Variants in COL21A1 observed in about 807,000 individuals in gnomAD.
COL21A1 encodes the protein collagen alpha-1(XXI) chain.
A neutral mutation model predicts 137.9 loss-of-function variants in COL21A1; 149 were observed. The ratio of observed to expected loss-of-function variants is 1.08; its 90% CI spans 0.95 to 1.24. The LOEUF (loss-of-function observed/expected upper bound fraction) is 1.24. COL21A1 is among the 50% of genes most tolerant of loss of function. COL21A1 has a pLI of 0.00. For missense variants in COL21A1, 1,167 were observed against 1,158.4 expected (o/e 1.01, Z -0.11); for synonymous variants, 456 against 391.5 (o/e 1.16, Z -1.95).
chr6:56,178,648 G>C (rs1777668937), intron 3 of COL21A1, among the ~76,000 whole-genome samples: 1 of 151,844 alleles, frequency 6.6e-6, no homozygotes, highest in African/African-American at 2.4e-5. Context: ...TTAAAAATAA[G>C]AGATACAAAA....
intron 1 of COL21A1, among the ~76,000 whole-genome samples, chr6:56,209,716 TG>T (rs1780034667): frequency 6.6e-6 from 1 of 152,174 alleles, no homozygotes; most frequent in Non-Finnish European, 1.5e-5. Context: ...GAAGACAGTG[TG>T]GCGATTCCTC....
At chr6:56,356,135 T>C (rs1765822655) in intron 1 of COL21A1, among the ~76,000 whole-genome samples, 1 of 152,152 alleles carries the variant, frequency 6.6e-6, no homozygotes, top group Non-Finnish European at 1.5e-5. Flanking sequence ...TCTAAGGACA[T>C]AATAGAGACC....
intron 1 of COL21A1, among the ~76,000 whole-genome samples, chr6:56,302,643 G>A: frequency 6.6e-6 from 1 of 152,146 alleles, no homozygotes; most frequent in Non-Finnish European, 1.5e-5. Flanking sequence ...TTTGTCAGAT[G>A]AGTAGGTTGC....
intron 12 of COL21A1, among the ~76,000 whole-genome samples, chr6:56,136,661 C>T (rs1191152936): frequency 1.3e-5 from 2 of 152,156 alleles, no homozygotes; most frequent in African/African-American, 4.8e-5. Context: ...ATGAGAACTA[C>T]TATTTTTAAA....
intron 1 of COL21A1, among the ~76,000 whole-genome samples, chr6:56,186,731 G>A (rs75208713): frequency 0.022 from 3,294 of 152,158 alleles, 120 homozygotes; most frequent in African/African-American, 0.075. Flanking sequence ...ATGTGGAAAT[G>A]AAGCTAATGA....
chr6:56,134,752 G>A (rs567066987), intron 12 of COL21A1, among the ~76,000 whole-genome samples: 29 of 152,260 alleles, frequency 1.9e-4, no homozygotes, highest in East Asian at 5.8e-4. Flanking sequence ...AGATCTGATC[G>A]TTTTAAAAAT....
At chr6:56,379,337 C>T (rs2094005107) in intron 1 of COL21A1, among the ~76,000 whole-genome samples, 1 of 152,010 alleles carries the variant, frequency 6.6e-6, no homozygotes, top group Non-Finnish European at 1.5e-5. Flanking sequence ...TAAGATAACA[C>T]AGAGAAGGAA....
chr6:56,121,607 T>C (rs1463931770), intron 16 of COL21A1, among the ~76,000 whole-genome samples: 1 of 149,260 alleles, frequency 6.7e-6, no homozygotes, highest in Non-Finnish European at 1.5e-5. Flanking sequence ...TATATATTTG[T>C]CAAGTGTACA....
intron 1 of COL21A1, among the ~76,000 whole-genome samples, chr6:56,301,860 C>T (rs1237506041): frequency 6.7e-6 from 1 of 150,252 alleles, no homozygotes; most frequent in African/African-American, 2.4e-5. Flanking sequence ...TTTCTCCCCC[C>T]CCCAATCCCA....
At chr6:56,288,202 A>G (rs1417351818) in intron 1 of COL21A1, among the ~76,000 whole-genome samples, 1 of 151,822 alleles carries the variant, frequency 6.6e-6, no homozygotes, top group East Asian at 1.9e-4. Flanking sequence ...TCTGCATGGA[A>G]TGCTGATAGT....
intron 16 of COL21A1, among the ~76,000 whole-genome samples, chr6:56,119,108 G>A (rs1772212138): frequency 6.6e-6 from 1 of 151,924 alleles, no homozygotes. Flanking sequence ...AGTTATAAAG[G>A]GCATCCAAAT....
intron 1 of COL21A1, among the ~76,000 whole-genome samples, chr6:56,328,753 A>G (rs1423202787): frequency 6.6e-6 from 1 of 152,130 alleles, no homozygotes; most frequent in East Asian, 1.9e-4. Flanking sequence ...CCCACCCACT[A>G]TCTTAAAATA....
At chr6:56,369,780 AC>A (rs762538349) in intron 1 of COL21A1, among the ~76,000 whole-genome samples, 26 of 152,198 alleles carry the variant, frequency 1.7e-4, no homozygotes, top group Admixed American at 1.4e-3. Flanking sequence ...AAATTGCTCA[AC>A]CTCAATGATA....
intron 1 of COL21A1, among the ~76,000 whole-genome samples, chr6:56,380,654 T>C (rs1266735492): frequency 2.0e-5 from 3 of 152,186 alleles, no homozygotes; most frequent in Non-Finnish European, 2.9e-5. Context: ...TGTAAACAAG[T>C]GTCCTTTTCA....
intron 10 of COL21A1, among the ~76,000 whole-genome samples, chr6:56,152,488 C>T (rs1432028924): frequency 6.6e-6 from 1 of 152,154 alleles, no homozygotes. Flanking sequence ...TTTGAGACTA[C>T]TATCAGATAC....
At chr6:56,213,763 T>C (rs147973124) in intron 1 of COL21A1, among the ~76,000 whole-genome samples, 134 of 152,124 alleles carry the variant, frequency 8.8e-4, no homozygotes, top group African/African-American at 2.9e-3. Context: ...AAATGTCAGA[T>C]CCATCATTTA....
intron 9 of COL21A1, among the ~76,000 whole-genome samples, chr6:56,163,507 G>C (rs1174900612): frequency 6.6e-6 from 1 of 152,052 alleles, no homozygotes; most frequent in Admixed American, 6.6e-5. Context: ...TCAAGAGATC[G>C]AGACGATCCT....
At chr6:56,208,503 C>T (rs1213537441) in intron 1 of COL21A1, among the ~76,000 whole-genome samples, 3 of 152,058 alleles carry the variant, frequency 2.0e-5, no homozygotes, top group Non-Finnish European at 4.4e-5. Context: ...AACTACAAAC[C>T]ACTGCTCAAG....
chr6:56,262,093 G>C (rs956111767), intron 1 of COL21A1, among the ~76,000 whole-genome samples: 1 of 152,066 alleles, frequency 6.6e-6, no homozygotes, highest in Non-Finnish European at 1.5e-5. Context: ...TAATGCATTC[G>C]ATTTCTCAAA....
Sources: gnomAD v4.1 joint callset for allele counts (sites outside exome capture counted in the v4.1 genomes callset) on GRCh38, gnomAD v4.1.1 for gene constraint, MANE v1.5 for transcripts, NCBI Gene and HGNC (gene_info 2026-07-23, HGNC 2026-07-21) for gene names.